The following SPTA1 variants were observed in gnomAD, a reference collection of about 807,000 sequenced individuals.
The protein encoded by SPTA1 is spectrin alpha, erythrocytic 1.
SPTA1 carries 177 observed loss-of-function variants against 324.7 expected under a neutral mutation model. That is an observed-to-expected ratio of 0.55 (90% CI 0.48 to 0.62). SPTA1 has a LOEUF of 0.62. SPTA1 is among the 20% of genes least tolerant of loss of function. The pLI, the probability that SPTA1 is intolerant of heterozygous loss-of-function variation, is 0.00. For synonymous variants in SPTA1, 1,195 were observed against 1,041.3 expected (o/e 1.15, Z -2.84); for missense variants, 3,162 against 2,883.6 (o/e 1.10, Z -2.21).
At chr1:158,631,179 C>T (rs1650648867) in intron 39 of SPTA1, among the ~76,000 whole-genome samples, 1 of 152,140 alleles carries the variant, frequency 6.6e-6, no homozygotes, top group Non-Finnish European at 1.5e-5. Context: ...TATAGCAGTA[C>T]AATTTGCAAT....
In SPTA1 at chr1:158,654,871, C is replaced by T. The variant is rs770385248; in HGVS notation, c.2899-123G>A. On this transcript the variant is annotated intron_variant, in intron 20 of 51. Transcript: ENST00000643759. ...AAGAGCCTCTGGCTGGAACCTCTTA[C>T]GTGGCTGCAGAGATTAAAGTATGTG... 887 of 1,323,868 alleles carry T rather than the reference C, an allele frequency of 6.7e-4. 3 individuals carry two copies. The highest frequency in any genetic ancestry group is 8.4e-4 in the Non-Finnish European group (797 of 947,728). The allele number at this position is 1,323,868 out of a possible 1,614,324, so 82.0% of individuals were successfully genotyped here.
rs1649686243 is a variant in SPTA1 at position 158,618,064 on chromosome 1, TGGAG to T, written c.6531-12_6531-9del. On this transcript the variant is annotated splice_polypyrimidine_tract_variant and intron_variant, in intron 45 of 51. Coordinates refer to ENST00000643759, the MANE Select transcript of SPTA1 (RefSeq NM_003126.4). Reference sequence around the variant, plus strand: ...CCATCCAGAAAGTAAGCCCTGGACATGGAGGTCCGGAACAGGAATCACATGAGAG... The same window carrying T: ...CCATCCAGAAAGTAAGCCCTGGACATGTCCGGAACAGGAATCACATGAGAG... 1 of 1,611,466 alleles carries T rather than the reference TGGAG, an allele frequency of 6.2e-7. No individual in the cohort carries two copies. The highest frequency in any genetic ancestry group is 1.3e-5 in the African/African-American group (1 of 74,878).
chr1:158,623,657 C>A (rs1000492817), intron 42 of SPTA1, among the ~76,000 whole-genome samples: 1 of 152,308 alleles, frequency 6.6e-6, no homozygotes, highest in South Asian at 2.1e-4. Flanking sequence ...TGTTTGTTTC[C>A]CCTTCCGCCA....
chr1:158,667,832 C>G (rs1557978190), intron 15 of SPTA1, 26 bp downstream of exon 15: 1 of 1,611,242 alleles, frequency 6.2e-7, no homozygotes, highest in Non-Finnish European at 8.5e-7. Context: ...AGAAAATGAC[C>G]TTTCACCAAA....
Position 158,620,345 on chromosome 1 carries a change from A to G in SPTA1, c.6242T>C (p.Leu2081Pro), listed in dbSNP as rs561844420. 6.2e-7 allele frequency: 1 copy of G among 1,614,116 alleles called. No individual in the cohort carries two copies. Among genetic ancestry groups the G allele is most frequent in the South Asian group, 1.1e-5 (1 of 91,082 alleles). ...HCVSLNEIRQ[L>P]QKDHEDFLAS... Reference sequence around the variant, plus strand: ...CAAGAAGTCCTCATGGTCTTTCTGCAGCTGCCGAATTTCATTCAGGGAGAC... The same window carrying G: ...CAAGAAGTCCTCATGGTCTTTCTGCGGCTGCCGAATTTCATTCAGGGAGAC... The change falls in exon 44 of 52, where the codon CTG becomes CCG. Residue 2081 changes from leucine (L) to proline (P), a missense_variant. By Grantham distance (98) the Leu-to-Pro change is moderately conservative. Coordinates refer to ENST00000643759, the MANE Select transcript of SPTA1 (RefSeq NM_003126.4).
intron 8 of SPTA1, 77 bp downstream of exon 8, chr1:158,676,064 A>C: frequency 6.3e-7 from 1 of 1,593,742 alleles, no homozygotes; most frequent in Non-Finnish European, 8.6e-7. Flanking sequence ...GACTCCCTTT[A>C]CTCTTATTTC....
chr1:158,656,869 A>T (rs1207734134), intron 19 of SPTA1, among the ~76,000 whole-genome samples: 1 of 152,212 alleles, frequency 6.6e-6, no homozygotes. Context: ...ATCAAAATTA[A>T]CTCAAACTTG....
At chr1:158,638,908 T>C (rs753132195) in intron 35 of SPTA1, among the ~76,000 whole-genome samples, 1 of 152,128 alleles carries the variant, frequency 6.6e-6, no homozygotes, top group East Asian at 1.9e-4. Context: ...AACTACTCTA[T>C]GGGCAACATT....
In SPTA1 at chr1:158,620,420, T is replaced by C. The variant is rs1248518139; in HGVS notation, c.6167A>G (p.Asn2056Ser). 9 of 1,613,542 alleles carry C rather than the reference T, an allele frequency of 5.6e-6. No individual in the cohort carries two copies. Among genetic ancestry groups the C allele is most frequent in the Non-Finnish European group, 6.8e-6 (8 of 1,180,026 alleles). Residue 2056 changes from asparagine to serine, a missense_variant, in exon 44 of 52, where the codon AAC becomes AGC. Physicochemically the swap from Asn to Ser is conservative, Grantham distance 46. Coordinates refer to ENST00000643759, the MANE Select transcript of SPTA1 (RefSeq NM_003126.4). ...TTCTTCCATCTTTTCACACCAGTTG[T>C]TCAAAGCTGAAGCCTTATGTGCAAA... Reference protein sequence around the residue: ...VEFAHKASALNNWCEKMEENL... With the variant: ...VEFAHKASALSNWCEKMEENL...
chr1:158,649,748 T>C (rs1199899087), intron 25 of SPTA1, 108 bp downstream of exon 25: 2 of 903,404 alleles, frequency 2.2e-6, no homozygotes, highest in African/African-American at 1.7e-5. Context: ...GCACATTGTC[T>C]CCATCTCACG....
In SPTA1 at chr1:158,634,636, G is replaced by A; in HGVS notation, c.5472C>T (p.Phe1824=). The A allele has an allele frequency of 3.7e-6, 6 of 1,614,116 alleles. No individual in the cohort carries two copies. Among genetic ancestry groups the A allele is most frequent in the Non-Finnish European group, 5.1e-6 (6 of 1,180,038 alleles). ...KLEESLEYLQ[F]MQNAEEEEAW... is the part of the protein sequence containing the mutation. ...CTTCCTCTTCCTCAGCATTCTGCAT[G>A]AATTGCAAGTATTCTAGGGATTCTT... is the stretch of plus-strand genomic sequence containing the variant. Residue 1824 remains phenylalanine, a synonymous_variant, in exon 39 of 52, where the codon TTC becomes TTT. Coordinates refer to ENST00000643759, the MANE Select transcript of SPTA1 (RefSeq NM_003126.4).
rs750197040 is a variant in SPTA1 at position 158,623,151 on chromosome 1, T to C, written c.5952A>G (p.Arg1984=). ...DASLQSFQQE[R]LPEITDLKDK... is the part of the protein sequence containing the mutation. ...CCTTCAGGTCAGTGATCTCGGGAAG[T>C]CTCTCTTGCTGGAAACTCTGCAGAC... The change falls in exon 43 of 52, where the codon AGA becomes AGG. Residue 1984 remains arginine (R), a synonymous_variant. Transcript: ENST00000643759. The C allele has an allele frequency of 2.5e-6, 4 of 1,614,044 alleles. No homozygotes were observed. The East Asian group carries it at 8.9e-5, about 36-fold the overall frequency.
intron 20 of SPTA1, among the ~76,000 whole-genome samples, chr1:158,655,867 AT>A (rs1376751982): frequency 5.9e-5 from 9 of 152,096 alleles, no homozygotes; most frequent in Non-Finnish European, 1.2e-4. Flanking sequence ...AACCAATTGC[AT>A]TTTCCACAAA....
At chr1:158,672,254 T>G in intron 10 of SPTA1, 58 bp from the exon 11 acceptor site, 1 of 1,511,544 alleles carries the variant, frequency 6.6e-7, no homozygotes. Context: ...TATTCTATAT[T>G]TATTGAGCAT....
rs1315779386 is a variant in SPTA1, at chr1:158,657,664, C to T, written c.2618G>A (p.Arg873Lys). 5.6e-6 allele frequency: 9 copies of T among 1,614,052 alleles called. No homozygotes were observed. Among genetic ancestry groups the T allele is most frequent in the Non-Finnish European group, 7.6e-6 (9 of 1,179,984 alleles). The change falls in exon 19 of 52, where the codon AGG becomes AAG. Residue 873 changes from arginine (R) to lysine (K), a missense_variant. Physicochemically the swap from Arg to Lys is conservative, Grantham distance 26 (BLOSUM62 2). Coordinates refer to ENST00000643759, the MANE Select transcript of SPTA1 (RefSeq NM_003126.4). ...GHFAAEDVAS[R>K]VKSLNQNMES... The stretch of plus-strand genomic sequence containing the variant: ...CATATTCTGGTTCAAACTCTTGACC[C>T]TAGAGGCCACATCTTCTGCAGCAAA...
At chr1:158,612,617 C>T in intron 51 of SPTA1, 200 bp downstream of exon 51, 1 of 595,802 alleles carries the variant, frequency 1.7e-6, no homozygotes. Flanking sequence ...CTCTCACATT[C>T]AATAGAGTAC....
In SPTA1 at chr1:158,636,007, T is replaced by G; in HGVS notation, c.5338A>C (p.Lys1780Gln). ...TCTTGCCCCACAGCAGCCTTGTCTT[T>G]CAGCTTCTCTGCCATATCCAGCACA... Reference protein sequence around the residue: ...QNVLDMAEKLKDKAAVGQEEI... With the variant: ...QNVLDMAEKLQDKAAVGQEEI... The change falls in exon 38 of 52, where the codon AAA becomes CAA. Residue 1780 changes from lysine (K) to glutamine (Q), a missense_variant. Transcript: ENST00000643759. 1 of 1,614,182 alleles carries G rather than the reference T, an allele frequency of 6.2e-7. No homozygotes were observed. Among genetic ancestry groups the G allele is most frequent in the Non-Finnish European group, 8.5e-7 (1 of 1,180,028 alleles).
intron 51 of SPTA1, 38 bp downstream of exon 51, chr1:158,612,779 G>T (rs372314624): frequency 1.2e-6 from 2 of 1,612,484 alleles, no homozygotes; most frequent in Admixed American, 1.7e-5. Flanking sequence ...ATTCAAATTA[G>T]GATGACAGTG....
intron 37 of SPTA1, 105 bp from the exon 38 acceptor site, chr1:158,636,139 A>G: frequency 6.3e-7 from 1 of 1,595,114 alleles, no homozygotes; most frequent in Non-Finnish European, 8.6e-7. Context: ...CAGATTATTT[A>G]TAAACTCCAC....
Sources: gnomAD v4.1 joint callset for allele counts (sites outside exome capture counted in the v4.1 genomes callset) on GRCh38, gnomAD v4.1.1 for gene constraint, MANE v1.5 for transcripts, NCBI Gene and HGNC (gene_info 2026-07-23, HGNC 2026-07-21) for gene names.